The following IGSF21 variants were observed in gnomAD, a reference collection of about 807,000 sequenced individuals.
IGSF21 encodes the protein immunoglobulin superfamily member 21.
In IGSF21, 28 loss-of-function variants were observed where a neutral mutation model predicts 46.8. The observed-to-expected ratio is 0.60, with a 90% confidence interval of 0.44 to 0.82. IGSF21 has a LOEUF of 0.82. IGSF21 is among the 40% of genes least tolerant of loss of function. The pLI, the probability that IGSF21 is intolerant of heterozygous loss-of-function variation, is 0.00. For missense variants in IGSF21, 624 were observed against 665.5 expected (o/e 0.94, Z 0.69); for synonymous variants, 284 against 273.6 (o/e 1.04, Z -0.38).
intron 2 of IGSF21, among the ~76,000 whole-genome samples, chr1:18,267,713 C>A (rs913589499): frequency 6.6e-6 from 1 of 152,228 alleles, no homozygotes; most frequent in Non-Finnish European, 1.5e-5. Context: ...TTCCTTGGAC[C>A]ATGCCTGGGT....
chr1:18,266,592 G>A (rs1409647074), intron 2 of IGSF21, among the ~76,000 whole-genome samples: 2 of 152,222 alleles, frequency 1.3e-5, no homozygotes, highest in Admixed American at 6.5e-5. Flanking sequence ...TGTACTCATG[G>A]CAGTGGCCCA....
intron 2 of IGSF21, among the ~76,000 whole-genome samples, chr1:18,276,913 T>G (rs2085107818): frequency 6.6e-6 from 1 of 152,318 alleles, no homozygotes. Flanking sequence ...AGGACACTCA[T>G]ACATACAAAT....
chr1:18,285,609 T>C (rs969109995), intron 2 of IGSF21, among the ~76,000 whole-genome samples: 2 of 152,164 alleles, frequency 1.3e-5, no homozygotes, highest in Non-Finnish European at 2.9e-5. Flanking sequence ...CCTAGCTCTC[T>C]GCCTCTCAGA....
At chr1:18,214,836 G>A (rs371177668) in intron 1 of IGSF21, among the ~76,000 whole-genome samples, 23 of 152,228 alleles carry the variant, frequency 1.5e-4, no homozygotes, top group Admixed American at 2.6e-4. Flanking sequence ...TTTGCCTCCC[G>A]GGTTCAAGCA....
chr1:18,116,814 G>A (rs892637630), intron 1 of IGSF21, among the ~76,000 whole-genome samples: 10 of 152,248 alleles, frequency 6.6e-5, no homozygotes, highest in Admixed American at 6.5e-5. Flanking sequence ...AGGCTCTGAA[G>A]GATTGAAACA....
intron 4 of IGSF21, among the ~76,000 whole-genome samples, chr1:18,358,788 C>T (rs1176651516): frequency 6.6e-6 from 1 of 152,128 alleles, no homozygotes. Context: ...AGTAACTTGC[C>T]CAAGGTCACA....
intron 1 of IGSF21, among the ~76,000 whole-genome samples, chr1:18,119,178 C>G (rs916943484): frequency 2.7e-4 from 41 of 152,258 alleles, no homozygotes; most frequent in African/African-American, 9.9e-4. Flanking sequence ...GGCTCTTGTT[C>G]ATTTATGCAG....
intron 2 of IGSF21, among the ~76,000 whole-genome samples, chr1:18,239,439 C>T (rs1460586818): frequency 1.3e-5 from 2 of 152,142 alleles, no homozygotes; most frequent in Non-Finnish European, 2.9e-5. Flanking sequence ...GACCTTACCA[C>T]GACCACCCCT....
chr1:18,198,844 A>G (rs1194957456), intron 1 of IGSF21, among the ~76,000 whole-genome samples: 1 of 152,076 alleles, frequency 6.6e-6, no homozygotes, highest in Non-Finnish European at 1.5e-5. Context: ...TCGTGGGAGT[A>G]ATAGGCTTTG....
chr1:18,112,905 T>C (rs934488901), intron 1 of IGSF21: 6 of 152,218 alleles, frequency 3.9e-5, no homozygotes, highest in African/African-American at 1.4e-4. Context: ...ACTGGGCATG[T>C]TTCCGAAAAG....
chr1:18,127,414 T>A (rs904732279), intron 1 of IGSF21, among the ~76,000 whole-genome samples: 1 of 152,026 alleles, frequency 6.6e-6, no homozygotes, highest in Non-Finnish European at 1.5e-5. Flanking sequence ...ATGGAAGTCA[T>A]GAGGAAAGAG....
intron 1 of IGSF21, among the ~76,000 whole-genome samples, chr1:18,159,891 C>A (rs576123810): frequency 9.2e-5 from 14 of 152,252 alleles, no homozygotes; most frequent in African/African-American, 2.6e-4. Context: ...TCACATTGGG[C>A]AGGCTGGTCT....
At chr1:18,285,051 C>T (rs888406967) in intron 2 of IGSF21, among the ~76,000 whole-genome samples, 4 of 152,210 alleles carry the variant, frequency 2.6e-5, no homozygotes, top group African/African-American at 7.2e-5. Flanking sequence ...GCCACTATTA[C>T]ACTTTCCAGC....
Position 18,297,282 on chromosome 1 carries a change from TC to T in IGSF21, c.305+5296del, listed in dbSNP as rs567573048. On this transcript the variant is annotated intron_variant, in intron 3 of 9. Coordinates refer to ENST00000251296, the MANE Select transcript of IGSF21 (RefSeq NM_032880.5). ...TGGTGAACATGGTGGTGGAGTCCTT[TC>T]AATGCAACACTTGCTGCTGGGGTGG... Among the ~76,000 whole-genome samples, 793 of 152,256 alleles carry T rather than the reference TC, an allele frequency of 5.2e-3. 9 individuals are homozygous for T. The highest frequency in any genetic ancestry group is 0.018 in the African/African-American group (749 of 41,532).
intron 3 of IGSF21, among the ~76,000 whole-genome samples, chr1:18,305,842 T>C (rs1557635442): frequency 2.0e-5 from 3 of 152,180 alleles, no homozygotes; most frequent in Non-Finnish European, 2.9e-5. Flanking sequence ...AGGGAAGCCG[T>C]CCTCATTTTA....
intron 2 of IGSF21, among the ~76,000 whole-genome samples, chr1:18,231,632 T>C (rs1234187543): frequency 6.6e-6 from 1 of 152,218 alleles, no homozygotes; most frequent in African/African-American, 2.4e-5. Flanking sequence ...AATTTTAAAA[T>C]TCATTTCCTC....
Position 18,338,137 on chromosome 1 carries a change from T to C in IGSF21, c.424+3127T>C, listed in dbSNP as rs528583253. On this transcript the variant is annotated intron_variant, in intron 4 of 9. Transcript: ENST00000251296. Reference sequence around the variant, plus strand: ...GCCGAGGTTGGAGGGTTAAAGGAGATAATCTATAGAACAGAATGTTCTGGG... The same window carrying C: ...GCCGAGGTTGGAGGGTTAAAGGAGACAATCTATAGAACAGAATGTTCTGGG... Among the ~76,000 whole-genome samples the C allele has an allele frequency of 3.9e-3, 601 of 152,278 alleles. 2 individuals are homozygous for C. Among genetic ancestry groups the C allele is most frequent in the Middle Eastern group, 0.01 (3 of 294 alleles).
rs1326010011 is a variant in IGSF21 at position 18,108,209 on chromosome 1, G to A, written c.70+11G>A. 1.4e-6 allele frequency: 2 copies of A among 1,385,226 alleles called. No individual in the cohort carries two copies. The highest frequency in any genetic ancestry group is 9.3e-7 in the Non-Finnish European group (1 of 1,071,714). The allele number at this position is 1,385,226 out of a possible 1,614,324, so 85.8% of individuals were successfully genotyped here. On this transcript the variant is annotated intron_variant, in intron 1 of 9. Coordinates refer to ENST00000251296, the MANE Select transcript of IGSF21 (RefSeq NM_032880.5). Reference sequence around the variant, plus strand: ...TGGACCTGGCGCGCGGTGAGTGCGCGGGCGCCTGGCGGGAGCCGAGCGGTG... The same window carrying A: ...TGGACCTGGCGCGCGGTGAGTGCGCAGGCGCCTGGCGGGAGCCGAGCGGTG...
intron 1 of IGSF21, among the ~76,000 whole-genome samples, chr1:18,156,282 C>A (rs191306147): frequency 6.6e-6 from 1 of 152,180 alleles, no homozygotes; most frequent in Admixed American, 6.5e-5. Context: ...CAGGCTGGAC[C>A]GGGCACTCCT....
Sources: allele counts gnomAD v4.1 joint callset (sites outside exome capture counted in the v4.1 genomes callset), GRCh38; gene constraint gnomAD v4.1.1; transcripts MANE v1.5; gene names NCBI Gene and HGNC (gene_info 2026-07-23, HGNC 2026-07-21).